MBTPS1: variants seen among roughly 807,000 people sequenced by gnomAD.
MBTPS1 encodes membrane-bound transcription factor site-1 protease.
Under a neutral mutation model 127.8 loss-of-function variants are expected in MBTPS1, and 94 were observed. The observed-to-expected ratio is 0.74, with a 90% CI of 0.62 to 0.87. The LOEUF (loss-of-function observed/expected upper bound fraction) is 0.87, where lower values mean the gene tolerates loss of function less well. Among genes scored for constraint, MBTPS1 ranks in the 40% least tolerant of loss-of-function variants. The pLI is 0.00. For missense variants in MBTPS1, 1,636 were observed against 1,353.2 expected, an observed-to-expected ratio of 1.21 and a Z score of -3.28; for synonymous variants, 632 against 509.4, an observed-to-expected ratio of 1.24 and a Z score of -3.24.
chr16:84,088,657 C>T (rs140009912), intron 8 of MBTPS1, among the ~76,000 whole-genome samples: 127 of 152,308 alleles, frequency 8.3e-4, no homozygotes, highest in Non-Finnish European at 1.4e-3. Context: ...GGCTTGCTGG[C>T]ACCACAGAGT....
chr16:84,064,410 T>C (rs2085653086), intron 18 of MBTPS1, among the ~76,000 whole-genome samples: 1 of 152,174 alleles, frequency 6.6e-6, no homozygotes, highest in Admixed American at 6.5e-5. Context: ...CAGGGTCTTT[T>C]CTGATCAGGC....
intron 12 of MBTPS1, among the ~76,000 whole-genome samples, chr16:84,073,984 C>A (rs2085813079): frequency 6.6e-6 from 1 of 151,652 alleles, no homozygotes; most frequent in Non-Finnish European, 1.5e-5. Flanking sequence ...CCAGCCTGGG[C>A]AACAAGAGTG....
intron 19 of MBTPS1, chr16:84,061,045 T>A (rs1195839071): frequency 1.3e-5 from 4 of 315,544 alleles, no homozygotes. Context: ...CTCAAACTCC[T>A]GGGCTCAAGT....
intron 1 of MBTPS1, among the ~76,000 whole-genome samples, chr16:84,111,976 G>A (rs569895680): frequency 3.3e-5 from 5 of 151,688 alleles, no homozygotes; most frequent in African/African-American, 9.7e-5. Flanking sequence ...CAAGGCAGGC[G>A]GATCACTTGA....
At chr16:84,065,538 T>C in intron 18 of MBTPS1, 152 bp downstream of exon 18, 1 of 616,316 alleles carries the variant, frequency 1.6e-6, no homozygotes, top group Non-Finnish European at 2.8e-6. Context: ...CACCGAATTG[T>C]ACACTTTAAA....
intron 20 of MBTPS1, chr16:84,059,675 T>A (rs920696764): frequency 5.4e-6 from 2 of 372,756 alleles, no homozygotes; most frequent in Admixed American, 4.1e-5. Flanking sequence ...GATGGGCAGA[T>A]GTGTGCACAG....
intron 12 of MBTPS1, among the ~76,000 whole-genome samples, chr16:84,073,822 T>C (rs901866638): frequency 6.6e-6 from 1 of 151,974 alleles, no homozygotes; most frequent in Non-Finnish European, 1.5e-5. Context: ...CTGGCCAACA[T>C]GGTGAAACCC....
At chr16:84,115,053 C>T (rs965600424) in intron 1 of MBTPS1, among the ~76,000 whole-genome samples, 6 of 151,834 alleles carry the variant, frequency 4.0e-5, no homozygotes, top group African/African-American at 1.5e-4. Flanking sequence ...CTCAGCCTCC[C>T]GAGTAGCTGG....
At position 84,087,469 on chromosome 16, in the gene MBTPS1, A is replaced by G. The variant is rs2151160141; in HGVS notation, c.1032-9T>C. 7.5e-7 allele frequency: 1 copy of G among 1,335,862 alleles called. No individual in the cohort carries two copies. The highest frequency in any genetic ancestry group is 1.0e-6 in the Non-Finnish European group (1 of 988,224). The allele number at this position is 1,335,862 out of a possible 1,614,324, so 82.8% of individuals were successfully genotyped here. A position where few individuals can be genotyped will look rare whatever the true frequency, so the allele number is the denominator to read the frequency against. On this transcript the variant is annotated splice_polypyrimidine_tract_variant and intron_variant, in intron 8 of 22. Coordinates refer to ENST00000343411, the MANE Select transcript of MBTPS1 (RefSeq NM_003791.4). Reference sequence around the variant, plus strand: ...CAGGGTTATTCAGAGTGCTATATTGAGACCAAAAAAAAAAAAAAAGAAAAG... The same window carrying G: ...CAGGGTTATTCAGAGTGCTATATTGGGACCAAAAAAAAAAAAAAAGAAAAG...
chr16:84,116,328 T>C (rs1346171819), intron 1 of MBTPS1, among the ~76,000 whole-genome samples: 1 of 152,180 alleles, frequency 6.6e-6, no homozygotes, highest in African/African-American at 2.4e-5. Context: ...AATCCCCGCA[T>C]TTCCAAAAAC....
At position 84,059,352 on chromosome 16, in the gene MBTPS1, A is replaced by G; in HGVS notation, c.2781T>C (p.Cys927=). The G allele has an allele frequency of 3.7e-6, 6 of 1,614,196 alleles. No homozygotes were observed. Among genetic ancestry groups the G allele is most frequent in the Non-Finnish European group, 5.1e-6 (6 of 1,180,002 alleles). Residue 927 remains cysteine, a synonymous_variant, in exon 21 of 23, where the codon TGT becomes TGC. Coordinates refer to ENST00000343411, the MANE Select transcript of MBTPS1 (RefSeq NM_003791.4). The stretch of plus-strand genomic sequence containing the variant: ...GTGGCTTGGCCCAAGACAAGCGTGG[A>G]CAGGCTGGTAGAGGCCGAGGTTTTG... ...GDPKPRPLPA[C]PRLSWAKPQP...
intron 3 of MBTPS1, 120 bp from the exon 4 acceptor site, chr16:84,095,925 G>A (rs1317286573): frequency 1.5e-5 from 11 of 730,454 alleles, no homozygotes; most frequent in South Asian, 3.5e-5. Flanking sequence ...TTGAAGGAAA[G>A]TGGGATTATC....
chr16:84,100,006 G>A (rs949499631), intron 2 of MBTPS1, among the ~76,000 whole-genome samples: 2 of 152,244 alleles, frequency 1.3e-5, no homozygotes, highest in Admixed American at 6.5e-5. Context: ...AGTGGATTAT[G>A]TGAGACTATT....
At position 84,087,403 on chromosome 16, in the gene MBTPS1, A is replaced by G; in HGVS notation, c.1089T>C (p.Phe363=). 6.2e-7 allele frequency: 1 copy of G among 1,613,822 alleles called. No homozygotes were observed. Among genetic ancestry groups the G allele is most frequent in the Non-Finnish European group, 8.5e-7 (1 of 1,179,960 alleles). The change falls in exon 9 of 23, where the codon TTT becomes TTC. Residue 363 remains phenylalanine, a synonymous_variant. Coordinates refer to ENST00000343411, the MANE Select transcript of MBTPS1 (RefSeq NM_003791.4). ...MDVIGVGGID[F]EDNIARFSSR... ...AAGAAAAGCGGGCGATGTTATCTTC[A>G]AAGTCAATGCCGCCTACTCCAATCA...
At chr16:84,076,181 G>C (rs1025073521) in intron 11 of MBTPS1, among the ~76,000 whole-genome samples, 1 of 152,128 alleles carries the variant, frequency 6.6e-6, no homozygotes, top group East Asian at 1.9e-4. Context: ...GTATTCATAT[G>C]ATTACCTTTC....
rs1166201558 is a variant in MBTPS1 at position 84,116,750 on chromosome 16, C to T, written c.-340G>A. ...GCTGACGTACCTGCGCCGCCGGGAG[C>T]TCAGGGCCGGCGGGCCCGGGATAAC... On this transcript the variant is annotated 5_prime_UTR_variant, in exon 1 of 23. Coordinates refer to ENST00000343411, the MANE Select transcript of MBTPS1 (RefSeq NM_003791.4). 6.6e-6 allele frequency: 1 copy of T among 152,142 alleles called. No individual in the cohort carries two copies. The highest frequency in any genetic ancestry group is 2.4e-5 in the African/African-American group (1 of 41,450). 9.4% of individuals were successfully genotyped at this position (152,142 alleles called of 1,614,324 possible).
rs866000378 is a variant in MBTPS1, at chr16:84,067,896, T to A, written c.2072-73A>T. Reference sequence around the variant, plus strand: ...GGACACCACCACGGCAGAAACAGTGTCACCAGGTACATGTCTCAGGTTACT... The same window carrying A: ...GGACACCACCACGGCAGAAACAGTGACACCAGGTACATGTCTCAGGTTACT... On this transcript the variant is annotated intron_variant, in intron 15 of 22. Transcript: ENST00000343411. The A allele has an allele frequency of 3.5e-6, 5 of 1,443,018 alleles. No homozygotes were observed. The African/African-American group carries it at 7.0e-5, about 20-fold the overall frequency. 89.4% of individuals were successfully genotyped at this position (1,443,018 alleles called of 1,614,324 possible). A position where few individuals can be genotyped will look rare whatever the true frequency, so the allele number is the denominator to read the frequency against.
intron 8 of MBTPS1, among the ~76,000 whole-genome samples, 199 bp from the exon 9 acceptor site, chr16:84,087,659 C>A (rs182722928): frequency 5.5e-4 from 84 of 152,246 alleles, no homozygotes; most frequent in Non-Finnish European, 1.0e-3. Context: ...ATGCTGTGCT[C>A]ACATTACGCC....
At chr16:84,096,670 G>C (rs1437476365) in intron 3 of MBTPS1, among the ~76,000 whole-genome samples, 1 of 152,118 alleles carries the variant, frequency 6.6e-6, no homozygotes, top group East Asian at 1.9e-4. Context: ...TTTTATTCTA[G>C]CCTTACCAAC....
Sources: allele counts gnomAD v4.1 joint callset (sites outside exome capture counted in the v4.1 genomes callset), GRCh38; gene constraint gnomAD v4.1.1; transcripts MANE v1.5; gene names NCBI Gene and HGNC (gene_info 2026-07-23, HGNC 2026-07-21).